THBS4: variants seen among roughly 807,000 people sequenced by gnomAD.
THBS4 encodes thrombospondin 4, also known as thrombospondin-4.
THBS4 carries 90 observed loss-of-function variants against 115.7 expected under a neutral mutation model. The observed-to-expected ratio is 0.78, with a 90% CI of 0.66 to 0.93. The LOEUF (loss-of-function observed/expected upper bound fraction) is 0.93. Ranked by LOEUF, THBS4 falls within the 40% of genes least tolerant of loss-of-function variation. The pLI is 0.00. For synonymous variants in THBS4, 460 were observed against 479.3 expected (o/e 0.96, Z 0.53); for missense variants, 1,087 against 1,232.7 (o/e 0.88, Z 1.77).
intron 5 of THBS4, among the ~76,000 whole-genome samples, 193 bp from the exon 6 acceptor site, chr5:80,059,247 T>A (rs538113445): frequency 6.7e-6 from 1 of 149,812 alleles, no homozygotes; most frequent in South Asian, 2.1e-4. Context: ...GGAGAATTGC[T>A]GGAACCCAGG....
chr5:80,071,311 T>G (rs1834043117), intron 13 of THBS4, 131 bp downstream of exon 13: 1 of 1,445,128 alleles, frequency 6.9e-7, no homozygotes, highest in Non-Finnish European at 9.1e-7. Context: ...GGCCTGCATC[T>G]GGAAGACCCA....
rs116411026 is a variant in THBS4 at position 79,993,362 on chromosome 5, C to A, written n.81+1950C>A. ...AAAAACTCTAACATAGCTGATTGCA[C>A]AAACAGGCTGAATACTGTTCCAGAG... On this transcript the variant is annotated intron_variant and non_coding_transcript_variant, in intron 1 of 3. Coordinates refer to the THBS4 transcript ENST00000510218. Among the ~76,000 whole-genome samples the A allele has an allele frequency of 5.4e-3, 828 of 152,296 alleles. 8 individuals carry two copies. Among genetic ancestry groups the A allele is most frequent in the African/African-American group, 0.019 (786 of 41,566 alleles).
chr5:80,078,692 T>C (rs1743340909), intron 17 of THBS4: 2 of 474,158 alleles, frequency 4.2e-6, no homozygotes, highest in African/African-American at 3.8e-5. Context: ...TAAGTGACAG[T>C]CTCAGCAAAC....
chr5:80,052,963 C>G (rs1833299940), intron 2 of THBS4: 1 of 152,254 alleles, frequency 6.6e-6, no homozygotes, highest in South Asian at 2.1e-4. Flanking sequence ...GCAGCACAGT[C>G]TGGGTGTATA....
At chr5:79,993,281 C>A (rs569544117) in intron 1 of THBS4, among the ~76,000 whole-genome samples, 1 of 152,310 alleles carries the variant, frequency 6.6e-6, no homozygotes, top group African/African-American at 2.4e-5. Flanking sequence ...TAGATAATAG[C>A]AATCTTTTAT....
chr5:79,993,037 T>C (rs1831718299), intron 1 of THBS4, among the ~76,000 whole-genome samples: 1 of 152,196 alleles, frequency 6.6e-6, no homozygotes, highest in Non-Finnish European at 1.5e-5. Flanking sequence ...ACAGAAAGAA[T>C]GTGGATTTCC....
intron 2 of THBS4, among the ~76,000 whole-genome samples, chr5:80,023,328 C>G (rs2434272): frequency 0.23 from 35,221 of 152,080 alleles, 4,469 homozygotes; most frequent in African/African-American, 0.33. Flanking sequence ...AAGTAACACA[C>G]ACTCCACCTG....
intron 2 of THBS4, among the ~76,000 whole-genome samples, chr5:80,008,088 C>T (rs1374291087): frequency 2.0e-5 from 3 of 152,118 alleles, no homozygotes; most frequent in Admixed American, 1.3e-4. Flanking sequence ...CAATGAAAAT[C>T]AAATTGGTAT....
chr5:80,023,729 T>A (rs1832422979), intron 2 of THBS4, among the ~76,000 whole-genome samples: 2 of 152,004 alleles, frequency 1.3e-5, no homozygotes, highest in South Asian at 4.2e-4. Flanking sequence ...AGTTTGGGCA[T>A]CCACACACAT....
chr5:80,017,958 C>A (rs547647221), intron 2 of THBS4, among the ~76,000 whole-genome samples: 2 of 151,878 alleles, frequency 1.3e-5, no homozygotes, highest in Admixed American at 1.3e-4. Flanking sequence ...ATTTTTATTC[C>A]TTTGTGGTGA....
At chr5:80,068,820 C>T (rs1031090389) in intron 10 of THBS4, 3 of 152,700 alleles carry the variant, frequency 2.0e-5, no homozygotes, top group African/African-American at 7.2e-5. Flanking sequence ...ACATGGGTCC[C>T]ATGCTGAGCT....
At chr5:80,031,465 A>G (rs892402638), upstream of THBS4, among the ~76,000 whole-genome samples, 4 of 152,276 alleles carry the variant, frequency 2.6e-5, no homozygotes, top group African/African-American at 7.2e-5. Context: ...TATTGCTACA[A>G]TATTGTTACA....
At chr5:80,024,886 A>G (rs1390387418) in intron 2 of THBS4, among the ~76,000 whole-genome samples, 2 of 152,214 alleles carry the variant, frequency 1.3e-5, no homozygotes, top group African/African-American at 4.8e-5. Flanking sequence ...CAGTGCAGGC[A>G]AGTAGAAGGA....
Position 80,055,942 on chromosome 5 carries a change from G to A in THBS4, c.450G>A (p.Val150=), listed in dbSNP as rs1833414159. The change falls in exon 3 of 22, where the codon GTG becomes GTA. Residue 150 remains valine (V), a synonymous_variant. Transcript: ENST00000350881. Reference sequence around the variant, plus strand: ...AGCTCTACCTGGACTGCATCCAGGTGGATTCCGTTCACAATCTCCCCAGGG... The same window carrying A: ...AGCTCTACCTGGACTGCATCCAGGTAGATTCCGTTCACAATCTCCCCAGGG... The part of the protein sequence containing the change: ...SLELYLDCIQ[V]DSVHNLPRAF... 6.2e-7 allele frequency: 1 copy of A among 1,614,072 alleles called. No individual in the cohort carries two copies. Among genetic ancestry groups the A allele is most frequent in the South Asian group, 1.1e-5 (1 of 91,082 alleles).
chr5:80,067,957 T>C lies in THBS4; in HGVS notation c.1195-16T>C, dbSNP rs1198391260. 3.1e-6 allele frequency: 5 copies of C among 1,613,558 alleles called. No homozygotes were observed. The Admixed American group carries it at 6.7e-5, about 22-fold the overall frequency. On this transcript the variant is annotated splice_polypyrimidine_tract_variant and intron_variant, in intron 9 of 21. Transcript: ENST00000350881. ...CCACAGCTTTCAGCTCATCACCTGA[T>C]CTTTGTTCCTTGCAGGGATCTTACC...
At chr5:80,080,217 T>G (rs1021336125) in intron 20 of THBS4, 140 bp downstream of exon 20, 1 of 1,018,652 alleles carries the variant, frequency 9.8e-7, no homozygotes, top group African/African-American at 1.6e-5. Flanking sequence ...GACCGCAGGA[T>G]GGGGAACCTA....
At chr5:80,019,363 T>C (rs1435368496) in intron 2 of THBS4, among the ~76,000 whole-genome samples, 1 of 152,170 alleles carries the variant, frequency 6.6e-6, no homozygotes, top group Non-Finnish European at 1.5e-5. Context: ...GGCATGCCCT[T>C]CATTGATTTC....
rs990702161 is a variant in THBS4 at position 80,059,780 on chromosome 5, C to T, written c.862C>T (p.Arg288Cys). The T allele has an allele frequency of 1.1e-5, 18 of 1,614,092 alleles. No individual in the cohort carries two copies. The highest frequency in any genetic ancestry group is 1.4e-5 in the Non-Finnish European group (16 of 1,180,040). The change falls in exon 7 of 22, where the codon CGT becomes TGT. Residue 288 changes from arginine (R) to cysteine (C), a missense_variant. Physicochemically the swap from Arg to Cys is radical, Grantham distance 180 (BLOSUM62 -3). Coordinates refer to ENST00000350881, the MANE Select transcript of THBS4 (RefSeq NM_003248.6). ...CCCTGCACCGCCAACACGCCCACCT[C>T]GTCGGTGTGACTCCAACCCATGTTT... ...APPAPPTRPP[R>C]RCDSNPCFRG...
At chr5:80,041,294 AC>A (rs1832893540) in intron 2 of THBS4, among the ~76,000 whole-genome samples, 1 of 152,098 alleles carries the variant, frequency 6.6e-6, no homozygotes, top group South Asian at 2.1e-4. Context: ...TGAGGGCCAC[AC>A]CCTCAGGACC....
Sources: allele counts gnomAD v4.1 joint callset (sites outside exome capture counted in the v4.1 genomes callset), GRCh38; gene constraint gnomAD v4.1.1; transcripts MANE v1.5; gene names NCBI Gene and HGNC (gene_info 2026-07-23, HGNC 2026-07-21).